The following VLDLR variants were observed in gnomAD, a reference collection of about 807,000 sequenced individuals.
The protein encoded by VLDLR is very low-density lipoprotein receptor.
Under a neutral mutation model 112.7 loss-of-function variants are expected in VLDLR, and 81 were observed. The observed-to-expected ratio is 0.72, with a 90% confidence interval of 0.60 to 0.86. VLDLR has a LOEUF of 0.86. VLDLR is among the 40% of genes least tolerant of loss of function. The probability of loss-of-function intolerance (pLI) is 0.00; values close to 1 mark genes in which losing one functional copy is unlikely to be tolerated. For missense variants in VLDLR, 1,237 were observed against 1,099.4 expected (o/e 1.13, Z -1.77); for synonymous variants, 436 against 384.8 (o/e 1.13, Z -1.56).
chr9:2,656,671 T>G lies in VLDLR; in HGVS notation c.*2803T>G, dbSNP rs1818621496. 6.6e-6 allele frequency: 1 copy of G among 151,882 alleles called. No homozygotes were observed. The highest frequency in any genetic ancestry group is 1.5e-5 in the Non-Finnish European group (1 of 67,972). The allele number at this position is 151,882 out of a possible 1,614,324, so 9.4% of individuals were successfully genotyped here. ...ATACACTAAAGGAGAATATTTGGAGTTAGATGAGCCTGTCACACAAAGTGA... is the reference window on the plus strand; with the variant it reads ...ATACACTAAAGGAGAATATTTGGAGGTAGATGAGCCTGTCACACAAAGTGA... On this transcript the variant is annotated 3_prime_UTR_variant, in exon 19 of 19. Transcript: ENST00000382100.
Position 2,659,497 on chromosome 9 carries a change from T to C in VLDLR, c.*5629T>C, listed in dbSNP as rs1459887058. The C allele has an allele frequency of 6.6e-6, 1 of 152,226 alleles. No individual in the cohort carries two copies. The highest frequency in any genetic ancestry group is 1.5e-5 in the Non-Finnish European group (1 of 68,030). 9.4% of individuals were successfully genotyped at this position (152,226 alleles called of 1,614,324 possible). Reference sequence around the variant, plus strand: ...ATTCCAGAATTATTTTCCTTGGCCATCCAAGTGAAGTAGAAGTAGATTGTT... The same window carrying C: ...ATTCCAGAATTATTTTCCTTGGCCACCCAAGTGAAGTAGAAGTAGATTGTT... On this transcript the variant is annotated 3_prime_UTR_variant, in exon 19 of 19. Transcript: ENST00000382100.
chr9:2,627,424 CACACTCA>C (rs1817143967), intron 1 of VLDLR, among the ~76,000 whole-genome samples: 1 of 152,126 alleles, frequency 6.6e-6, no homozygotes, highest in Non-Finnish European at 1.5e-5. Flanking sequence ...TCTGATATAT[CACACTCA>C]ACTTTACCAG....
Position 2,655,702 on chromosome 9 carries a change from T to C in VLDLR, c.*1834T>C, listed in dbSNP as rs35456336. ...TGAAAAAGAAAAGATAGCCTTGGAC[T>C]TTTTTTTCATGGGAGGTTTGGAGGT... On this transcript the variant is annotated 3_prime_UTR_variant, in exon 19 of 19. Transcript: ENST00000382100. 0.26 allele frequency: 39,581 copies of C among 151,784 alleles called. 6,028 individuals are homozygous for C. The highest frequency in any genetic ancestry group is 0.4 in the African/African-American group (16,448 of 41,374). The allele number at this position is 151,784 out of a possible 1,614,324, so 9.4% of individuals were successfully genotyped here.
chr9:2,639,626 C>A (rs1817742543), intron 2 of VLDLR, among the ~76,000 whole-genome samples: 1 of 152,164 alleles, frequency 6.6e-6, no homozygotes, highest in Non-Finnish European at 1.5e-5. Flanking sequence ...TAATGGGCAA[C>A]CTCTGTCTGA....
At chr9:2,633,823 C>G (rs1817476549) in intron 1 of VLDLR, among the ~76,000 whole-genome samples, 1 of 152,062 alleles carries the variant, frequency 6.6e-6, no homozygotes, top group African/African-American at 2.4e-5. Context: ...GAGAATATTG[C>G]AAACATATTA....
At chr9:2,648,962 T>G in intron 14 of VLDLR, 152 bp downstream of exon 14, 1 of 990,470 alleles carries the variant, frequency 1.0e-6, no homozygotes, top group South Asian at 1.5e-5. Context: ...TCACATGTTA[T>G]TTTTTTATTT....
rs766395986 is a variant in VLDLR at position 2,643,469 on chromosome 9, A to C, written c.758A>C (p.His253Pro). 5 of 1,614,202 alleles carry C rather than the reference A, an allele frequency of 3.1e-6. No homozygotes were observed. The South Asian group carries it at 5.5e-5, about 18-fold the overall frequency. ...EIQCGSGECIHKKWRCDGDPD... is the reference protein window; with the variant it reads ...EIQCGSGECIPKKWRCDGDPD... ...CAGTGCGGCTCTGGCGAGTGCATCC[A>C]TAAGAAGTGGCGATGTGATGGGGAC... The change falls in exon 5 of 19, where the codon CAT (histidine) becomes CCT (proline). Residue 253 changes from histidine to proline, a missense_variant. His to Pro is a moderately conservative substitution (Grantham distance 77, BLOSUM62 -2). Transcript: ENST00000382100.
At chr9:2,647,364 C>A in intron 11 of VLDLR, 110 bp from the exon 12 acceptor site, 1 of 839,424 alleles carries the variant, frequency 1.2e-6, no homozygotes, top group Non-Finnish European at 2.1e-6. Flanking sequence ...CTATTTGTCA[C>A]TAGAGAATGC....
intron 15 of VLDLR, 27 bp downstream of exon 15, chr9:2,650,543 A>G: frequency 6.2e-7 from 1 of 1,611,718 alleles, no homozygotes; most frequent in South Asian, 1.1e-5. Flanking sequence ...TTCAACCACA[A>G]GTAGAACCTA....
At chr9:2,632,837 A>G (rs1817417963) in intron 1 of VLDLR, among the ~76,000 whole-genome samples, 1 of 152,228 alleles carries the variant, frequency 6.6e-6, no homozygotes, top group African/African-American at 2.4e-5. Flanking sequence ...GCAGTCCCTC[A>G]AAACAAAGTG....
chr9:2,647,723 G>A, intron 12 of VLDLR, 131 bp downstream of exon 12: 2 of 821,606 alleles, frequency 2.4e-6, no homozygotes, highest in Non-Finnish European at 2.1e-6. Context: ...AATTTTCAAT[G>A]GGAGTAACTG....
At chr9:2,627,936 T>G (rs1375593353) in intron 1 of VLDLR, among the ~76,000 whole-genome samples, 2 of 152,102 alleles carry the variant, frequency 1.3e-5, no homozygotes, top group Non-Finnish European at 2.9e-5. Context: ...ACAGGGACCT[T>G]TATAACCTAG....
intron 2 of VLDLR, among the ~76,000 whole-genome samples, chr9:2,637,766 C>T (rs1817656824): frequency 6.6e-6 from 1 of 152,032 alleles, no homozygotes; most frequent in Non-Finnish European, 1.5e-5. Context: ...ACAGTGAAAC[C>T]CCGTCTCCAC....
In VLDLR at chr9:2,636,608, G is replaced by C. The variant is rs1374167112; in HGVS notation, c.202+1036G>C. Among the ~76,000 whole-genome samples the C allele has an allele frequency of 2.9e-4, 44 of 152,208 alleles. 1 individual carries two copies. The highest frequency in any genetic ancestry group is 2.9e-3 in the Admixed American group (44 of 15,286). ...GTAGCTCCTTTAGAAGCATAAGAAA[G>C]TCCATTCTACCATCTCAGGGAAGAA... is the stretch of plus-strand genomic sequence containing the variant. On this transcript the variant is annotated intron_variant, in intron 2 of 18. Transcript: ENST00000382100.
At chr9:2,647,905 T>C in intron 12 of VLDLR, 4 of 568,146 alleles carry the variant, frequency 7.0e-6, no homozygotes, top group Non-Finnish European at 9.4e-6. Flanking sequence ...TGCAGGCTTT[T>C]AACAGTTTTC....
Position 2,658,623 on chromosome 9 carries a change from A to C in VLDLR, c.*4755A>C, listed in dbSNP as rs940443681. On this transcript the variant is annotated 3_prime_UTR_variant, in exon 19 of 19. Coordinates refer to ENST00000382100, the MANE Select transcript of VLDLR (RefSeq NM_003383.5). ...TGGGCAAGTTACTAACTCCCTCTGT[A>C]AAGTAGAGACGATGGGGACTGTCTC... 1 of 152,216 alleles carries C rather than the reference A, an allele frequency of 6.6e-6. No homozygotes were observed. The highest frequency in any genetic ancestry group is 1.5e-5 in the Non-Finnish European group (1 of 68,044). 9.4% of individuals were successfully genotyped at this position (152,216 alleles called of 1,614,324 possible).
At chr9:2,629,193 G>C (rs1231409093) in intron 1 of VLDLR, among the ~76,000 whole-genome samples, 1 of 152,240 alleles carries the variant, frequency 6.6e-6, no homozygotes, top group Non-Finnish European at 1.5e-5. Context: ...TGGGGATTCT[G>C]ATGCACACGG....
At position 2,646,841 on chromosome 9, in the gene VLDLR, T is replaced by A. The variant is rs140112860; in HGVS notation, c.1703+289T>A. On this transcript the variant is annotated intron_variant, in intron 11 of 18. Coordinates refer to ENST00000382100, the MANE Select transcript of VLDLR (RefSeq NM_003383.5). ...TACCAAAAGCTGTATCTGAACCCTT[T>A]TGTCCACCCAGTTTCTACGCAAGTG... is the stretch of plus-strand genomic sequence containing the variant. Among the ~76,000 whole-genome samples the A allele has an allele frequency of 2.4e-3, 370 of 152,296 alleles. 2 individuals are homozygous for A. Among genetic ancestry groups the A allele is most frequent in the African/African-American group, 8.7e-3 (361 of 41,562 alleles).
chr9:2,646,429 T>C lies in VLDLR; in HGVS notation c.1580T>C (p.Ile527Thr). The change falls in exon 11 of 19, where the codon ATC becomes ACC. Residue 527 changes from isoleucine (I) to threonine (T), a missense_variant. Transcript: ENST00000382100. ...GCTGTTGATTGGGTGTACAAGACCA[T>C]CTACTGGACTGATGCGGCTTCTAAG... is the stretch of plus-strand genomic sequence containing the variant. ...AIAVDWVYKT[I>T]YWTDAASKTI... 1 of 1,614,142 alleles carries C rather than the reference T, an allele frequency of 6.2e-7. No individual in the cohort carries two copies. The highest frequency in any genetic ancestry group is 1.7e-5 in the Admixed American group (1 of 60,020).
Sources: allele counts gnomAD v4.1 joint callset (sites outside exome capture counted in the v4.1 genomes callset), GRCh38; gene constraint gnomAD v4.1.1; transcripts MANE v1.5; gene names NCBI Gene and HGNC (gene_info 2026-07-23, HGNC 2026-07-21).